DDX10: variants seen among roughly 807,000 people sequenced by gnomAD.
The protein encoded by DDX10 is probable ATP-dependent RNA helicase DDX10.
Under a neutral mutation model 104.3 loss-of-function variants are expected in DDX10, and 74 were observed. The observed-to-expected ratio is 0.71, with a 90% CI of 0.59 to 0.86. DDX10 has a LOEUF of 0.86. Among genes scored for constraint, DDX10 ranks in the 40% least tolerant of loss-of-function variants. The probability of loss-of-function intolerance (pLI) is 0.00; values close to 1 mark genes in which losing one functional copy is unlikely to be tolerated. For missense variants in DDX10, 952 were observed against 1,040.0 expected (o/e 0.92, Z 1.16); for synonymous variants, 351 against 353.4 (o/e 0.99, Z 0.08).
intron 16 of DDX10, among the ~76,000 whole-genome samples, chr11:108,893,044 A>T (rs1863397098): frequency 6.6e-6 from 1 of 152,150 alleles, no homozygotes; most frequent in Non-Finnish European, 1.5e-5. Flanking sequence ...GTGTATGTGT[A>T]TGCTAATATA....
chr11:108,893,545 A>G (rs966672926), intron 16 of DDX10, among the ~76,000 whole-genome samples: 1 of 151,918 alleles, frequency 6.6e-6, no homozygotes, highest in Non-Finnish European at 1.5e-5. Context: ...ATTATGCACC[A>G]TGTTTGTGTT....
chr11:108,812,788 C>G (rs1033684707), intron 13 of DDX10, among the ~76,000 whole-genome samples: 1 of 151,816 alleles, frequency 6.6e-6, no homozygotes, highest in African/African-American at 2.4e-5. Flanking sequence ...TTGAGACCAG[C>G]CTGGCCAACA....
intron 13 of DDX10, among the ~76,000 whole-genome samples, chr11:108,812,630 A>G (rs549588223): frequency 6.6e-6 from 1 of 152,266 alleles, no homozygotes; most frequent in African/African-American, 2.4e-5. Flanking sequence ...TGATTATAGC[A>G]TGTGCTAAAA....
intron 13 of DDX10, among the ~76,000 whole-genome samples, chr11:108,790,402 G>T (rs1159802290): frequency 6.6e-6 from 1 of 152,164 alleles, no homozygotes; most frequent in Admixed American, 6.5e-5. Context: ...TTTATGTGCA[G>T]ATAAATAACA....
At chr11:108,671,611 A>C (rs375198814) in intron 1 of DDX10, among the ~76,000 whole-genome samples, 1 of 152,230 alleles carries the variant, frequency 6.6e-6, no homozygotes, top group South Asian at 2.1e-4. Context: ...TGGTCCATAC[A>C]GTCTCCGCAA....
intron 13 of DDX10, among the ~76,000 whole-genome samples, chr11:108,751,155 A>G (rs2134505480): frequency 1.3e-5 from 2 of 151,790 alleles, no homozygotes; most frequent in African/African-American, 4.8e-5. Context: ...TATCTCTAGC[A>G]TTGTATTTTG....
rs145705288 is a variant in DDX10, at chr11:108,814,433, A to G, written c.1966-24013A>G. Among the ~76,000 whole-genome samples, 31 of 152,298 alleles carry G rather than the reference A, an allele frequency of 2.0e-4. No individual in the cohort carries two copies. The South Asian group carries it at 6.4e-3, about 32-fold the overall frequency. On this transcript the variant is annotated intron_variant, in intron 13 of 17. Transcript: ENST00000322536. ...TTAGTTTATAGCTTTACAACGTAAT[A>G]AGCCCCAGGTGTAGGGAATTCACTC...
chr11:108,808,667 C>G lies in DDX10; in HGVS notation c.1966-29779C>G, dbSNP rs909585918. ...ATGTACTATTTGGCAAAGCAACAGGCTACATTTTGAAAAAGATTTACTCAT... is the reference window on the plus strand; with the variant it reads ...ATGTACTATTTGGCAAAGCAACAGGGTACATTTTGAAAAAGATTTACTCAT... On this transcript the variant is annotated intron_variant, in intron 13 of 17. Coordinates refer to ENST00000322536, the MANE Select transcript of DDX10 (RefSeq NM_004398.4). Among the ~76,000 whole-genome samples, 12 of 152,126 alleles carry G rather than the reference C, an allele frequency of 7.9e-5. No homozygotes were observed. The South Asian group carries it at 1.7e-3, about 21-fold the overall frequency.
chr11:108,912,873 A>G (rs1196739104), intron 16 of DDX10, among the ~76,000 whole-genome samples: 3 of 152,114 alleles, frequency 2.0e-5, no homozygotes, highest in African/African-American at 7.2e-5. Context: ...TCAATTGTGT[A>G]TTTAGTAAGA....
chr11:108,784,185 G>T (rs1460705135), intron 13 of DDX10, among the ~76,000 whole-genome samples: 1 of 152,116 alleles, frequency 6.6e-6, no homozygotes, highest in Non-Finnish European at 1.5e-5. Flanking sequence ...GGGATTGCTG[G>T]GCTGAATGGT....
intron 13 of DDX10, among the ~76,000 whole-genome samples, chr11:108,763,795 GT>G (rs565010517): frequency 7.2e-4 from 109 of 152,136 alleles, no homozygotes; most frequent in African/African-American, 2.6e-3. Flanking sequence ...AAAGCAAAGA[GT>G]TTTTATTACT....
intron 13 of DDX10, among the ~76,000 whole-genome samples, chr11:108,762,942 A>G (rs995672767): frequency 1.3e-5 from 2 of 152,072 alleles, no homozygotes; most frequent in Non-Finnish European, 2.9e-5. Context: ...GAACTCTTTG[A>G]TTCCCTTTAG....
At chr11:108,890,428 G>A (rs1863359944) in intron 16 of DDX10, among the ~76,000 whole-genome samples, 1 of 152,072 alleles carries the variant, frequency 6.6e-6, no homozygotes, top group Admixed American at 6.6e-5. Context: ...AATGCCCTCG[G>A]CTATTCCTAT....
chr11:108,814,348 T>A (rs1862226140), intron 13 of DDX10, among the ~76,000 whole-genome samples: 1 of 152,210 alleles, frequency 6.6e-6, no homozygotes, highest in South Asian at 2.1e-4. Context: ...TTTTCATTTT[T>A]AATTAACATA....
chr11:108,860,029 C>T (rs943858046), intron 16 of DDX10, among the ~76,000 whole-genome samples: 1 of 152,026 alleles, frequency 6.6e-6, no homozygotes, highest in Non-Finnish European at 1.5e-5. Flanking sequence ...CTTTCTTCTT[C>T]TTCTTGTTTT....
At chr11:108,792,919 T>C (rs928254721) in intron 13 of DDX10, among the ~76,000 whole-genome samples, 3 of 152,224 alleles carry the variant, frequency 2.0e-5, no homozygotes, top group Non-Finnish European at 4.4e-5. Context: ...ATTAGTTGTT[T>C]TCATTGTATG....
intron 7 of DDX10, 23 bp from the exon 8 acceptor site, chr11:108,691,853 T>A (rs1458877016): frequency 6.2e-7 from 1 of 1,603,556 alleles, no homozygotes; most frequent in East Asian, 2.2e-5. Context: ...ATAAGCAAAC[T>A]TATTCTTCTG....
chr11:108,875,105 A>G (rs911164076), intron 16 of DDX10, among the ~76,000 whole-genome samples: 7 of 152,152 alleles, frequency 4.6e-5, no homozygotes, highest in South Asian at 2.1e-4. Context: ...TGCCTATTTC[A>G]AGAAAACCCT....
intron 13 of DDX10, among the ~76,000 whole-genome samples, chr11:108,749,872 T>A (rs140780278): frequency 1.3e-5 from 2 of 152,310 alleles, no homozygotes; most frequent in East Asian, 1.9e-4. Flanking sequence ...TGTATTTTAC[T>A]GAAATTTTAC....
Sources: allele counts gnomAD v4.1 joint callset (sites outside exome capture counted in the v4.1 genomes callset), GRCh38; gene constraint gnomAD v4.1.1; transcripts MANE v1.5; gene names NCBI Gene and HGNC (gene_info 2026-07-23, HGNC 2026-07-21).